Variants in ADPRHL1 observed in about 807,000 individuals in gnomAD.
ADPRHL1 encodes the protein ADP-ribosylhydrolase like 1, also known as inactive ADP-ribosyltransferase ARH2.
A neutral mutation model predicts 44.1 loss-of-function variants in ADPRHL1; 43 were observed. The ratio of observed to expected loss-of-function variants is 0.98; its 90% CI spans 0.76 to 1.26. ADPRHL1 has a LOEUF of 1.26. ADPRHL1 is among the 50% of genes most tolerant of loss of function. The pLI, the probability that ADPRHL1 is intolerant of heterozygous loss-of-function variation, is 0.00. For synonymous variants in ADPRHL1, 878 were observed against 1,017.4 expected, an observed-to-expected ratio of 0.86 and a Z score of 2.61; for missense variants, 2,022 against 2,496.9, an observed-to-expected ratio of 0.81 and a Z score of 4.05.
Position 113,433,693 on chromosome 13 carries a change from C to T in ADPRHL1, c.505+49G>A, listed in dbSNP as rs2044023609. ...AACCTGTGAGGTGGTTGTGGGTCAT[C>T]CGGCCGCACTCCACGCTGACCTCCC... On this transcript the variant is annotated intron_variant, in intron 3 of 7. Coordinates refer to ENST00000612156, the MANE Select transcript of ADPRHL1 (RefSeq NM_001394807.1). 2.6e-6 allele frequency: 4 copies of T among 1,528,216 alleles called. No homozygotes were observed. In the South Asian group the frequency reaches 4.8e-5, roughly 18 times the overall value. The allele number at this position is 1,528,216 out of a possible 1,614,324, so 94.7% of individuals were successfully genotyped here. A position where few individuals can be genotyped will look rare whatever the true frequency, so the allele number is the denominator to read the frequency against.
chr13:113,426,840 C>T (rs975151094), intron 4 of ADPRHL1, among the ~76,000 whole-genome samples: 4 of 152,308 alleles, frequency 2.6e-5, no homozygotes, highest in African/African-American at 4.8e-5. Flanking sequence ...CGGAAACAGA[C>T]GTCTAAATAC....
rs923267929 is a variant in ADPRHL1 at position 113,403,639 on chromosome 13, C to T, written c.5643G>A (p.Leu1881=). 3.4e-5 allele frequency: 42 copies of T among 1,231,582 alleles called. No homozygotes were observed. The highest frequency in any genetic ancestry group is 2.1e-4 in the Admixed American group (5 of 23,700). The allele number at this position is 1,231,582 out of a possible 1,614,324, so 76.3% of individuals were successfully genotyped here. A position where few individuals can be genotyped will look rare whatever the true frequency, so the allele number is the denominator to read the frequency against. Residue 1881 remains leucine, a synonymous_variant, in exon 8 of 8, where the codon CTG becomes CTA. Transcript: ENST00000612156. ...GCTTGGGCTCAGTTGGGCTCTTTCC[C>T]AGCCCCAGGGGAGAGGTGGCAATGC... ...GKSIATSPLG[L]GKSPTEPKPE...
At chr13:113,429,208 T>C (rs1202282120) in intron 3 of ADPRHL1, 116 bp from the exon 4 acceptor site, 3 of 1,393,988 alleles carry the variant, frequency 2.2e-6, no homozygotes, top group Non-Finnish European at 2.9e-6. Context: ...TTTCCGTCTT[T>C]CCCATGTTCA....
chr13:113,404,472 C>T lies in ADPRHL1; in HGVS notation c.4810G>A (p.Val1604Ile). The T allele has an allele frequency of 7.7e-7, 1 of 1,305,076 alleles. No homozygotes were observed. Among genetic ancestry groups the T allele is most frequent in the Non-Finnish European group, 9.7e-7 (1 of 1,033,852 alleles). 80.8% of individuals were successfully genotyped at this position (1,305,076 alleles called of 1,614,324 possible). The change falls in exon 8 of 8, where the codon GTT becomes ATT. Residue 1604 changes from valine to isoleucine, a missense_variant. By Grantham distance (29) the Val-to-Ile change is conservative (BLOSUM62 3). This residue lies in a region of ADPRHL1 where 78 missense variants were observed against 76.5 expected (regional missense o/e 1.02). Coordinates refer to ENST00000612156, the MANE Select transcript of ADPRHL1 (RefSeq NM_001394807.1). ...GCCTCTTCCTGGGCCCATTTCTGAA[C>T]CTCTCCTTGAACCTGTTTCTGGGCC... ...GQAQKQVQGEVQKWAQEEAQG... is the reference protein window; with the variant it reads ...GQAQKQVQGEIQKWAQEEAQG...
At chr13:113,438,649 G>C (rs1595553123) in intron 2 of ADPRHL1, among the ~76,000 whole-genome samples, 1 of 152,082 alleles carries the variant, frequency 6.6e-6, no homozygotes, top group Non-Finnish European at 1.5e-5. Context: ...AGCCGAGATT[G>C]TGCCACTGGG....
chr13:113,441,858 G>A lies in ADPRHL1; in HGVS notation c.379+2567C>T, dbSNP rs141104948. Among the ~76,000 whole-genome samples, 261 of 151,822 alleles carry A rather than the reference G, an allele frequency of 1.7e-3. 3 individuals are homozygous for A. Among genetic ancestry groups the A allele is most frequent in the African/African-American group, 5.5e-3 (228 of 41,412 alleles). ...ACGTTGTGTCCCGCCGCGTGGGTCCGTGTCACTATCACACTCTGTCCCCAC... is the reference window on the plus strand; with the variant it reads ...ACGTTGTGTCCCGCCGCGTGGGTCCATGTCACTATCACACTCTGTCCCCAC... On this transcript the variant is annotated intron_variant, in intron 2 of 7. Coordinates refer to ENST00000612156, the MANE Select transcript of ADPRHL1 (RefSeq NM_001394807.1). The surrounding 1 kb of genome is among the most constrained non-coding windows in gnomAD (Gnocchi z 6.0).
rs146636394 is a variant in ADPRHL1, at chr13:113,428,116, C to T, written c.646+836G>A. On this transcript the variant is annotated intron_variant, in intron 4 of 7. Transcript: ENST00000612156. The stretch of plus-strand genomic sequence containing the variant: ...AAAACTAGCTAGGCGTGGTGACGGA[C>T]GCCTGTAATCCCAGCTGCTTCGGCG... Among the ~76,000 whole-genome samples the T allele has an allele frequency of 9.9e-4, 151 of 152,156 alleles. 1 individual carries two copies. The highest frequency in any genetic ancestry group is 3.3e-3 in the African/African-American group (135 of 41,520).
chr13:113,399,994 A>C lies in ADPRHL1; in HGVS notation c.*3384T>G, dbSNP rs1315655217. 1 of 151,772 alleles carries C rather than the reference A, an allele frequency of 6.6e-6. No homozygotes were observed. The highest frequency in any genetic ancestry group is 1.5e-5 in the Non-Finnish European group (1 of 67,906). The allele number at this position is 151,772 out of a possible 1,614,324, so 9.4% of individuals were successfully genotyped here. On this transcript the variant is annotated 3_prime_UTR_variant, in exon 8 of 8. Transcript: ENST00000612156. ...CCCGGCTGTTGTCACTTGCACCCAC[A>C]GACCTGCGGCTCACAGTGGGCCTGT... is the stretch of plus-strand genomic sequence containing the variant.
At chr13:113,431,456 C>T (rs2044006721) in intron 3 of ADPRHL1, among the ~76,000 whole-genome samples, 1 of 152,232 alleles carries the variant, frequency 6.6e-6, no homozygotes, top group Non-Finnish European at 1.5e-5. Context: ...ATGAATGGTT[C>T]TCAAGCCCAG....
rs1555324185 is a variant in ADPRHL1 at position 113,400,151 on chromosome 13, T to TTTTTCTA, written c.*3226_*3227insTAGAAAA. 2.8e-4 allele frequency: 41 copies of TTTTTCTA among 144,680 alleles called. No homozygotes were observed. The highest frequency in any genetic ancestry group is 9.4e-4 in the African/African-American group (36 of 38,150). The allele number at this position is 144,680 out of a possible 1,614,324, so 9.0% of individuals were successfully genotyped here. A position where few individuals can be genotyped will look rare whatever the true frequency, so the allele number is the denominator to read the frequency against. On this transcript the variant is annotated 3_prime_UTR_variant, in exon 8 of 8. Coordinates refer to ENST00000612156, the MANE Select transcript of ADPRHL1 (RefSeq NM_001394807.1). ...TTTTCTTTTCTTTTCTTTTCTTCTT[T>TTTTTCTA]TTTTTTTTTTTTTTGACGGAGTCTC...
Position 113,407,328 on chromosome 13 carries a change from C to A in ADPRHL1, c.1954G>T (p.Glu652Ter). The A allele has an allele frequency of 8.1e-7, 1 of 1,232,052 alleles. No individual in the cohort carries two copies. The highest frequency in any genetic ancestry group is 1.0e-6 in the Non-Finnish European group (1 of 988,066). 76.3% of individuals were successfully genotyped at this position (1,232,052 alleles called of 1,614,324 possible). A position where few individuals can be genotyped will look rare whatever the true frequency, so the allele number is the denominator to read the frequency against. Residue 652 changes from glutamate (E) to a stop codon, truncating the protein, a stop_gained, in exon 8 of 8, where the codon GAA (glutamate) becomes TAA (stop). Transcript: ENST00000612156. LOFTEE classifies it low-confidence loss of function (END_TRUNC). ...CTGGCACTAGGGGGCACGCTGGCTTCTCCTCTGGGTGGACGCCTTGCCTCC... is the reference window on the plus strand; with the variant it reads ...CTGGCACTAGGGGGCACGCTGGCTTATCCTCTGGGTGGACGCCTTGCCTCC... ...HSEARRPPRG[E>*]ASVPPSARET...
chr13:113,447,417 T>G (rs2044149537), intron 1 of ADPRHL1, among the ~76,000 whole-genome samples: 1 of 151,150 alleles, frequency 6.6e-6, no homozygotes, highest in Non-Finnish European at 1.5e-5. Context: ...ATGCACGGTG[T>G]TGTGTGTGCA....
chr13:113,422,646 A>G, intron 7 of ADPRHL1, 180 bp downstream of exon 7: 1 of 764,366 alleles, frequency 1.3e-6, no homozygotes, highest in South Asian at 1.9e-5. Context: ...AGGACAAACA[A>G]TGTATTTTAT....
At chr13:113,433,566 C>T (rs1019622412) in intron 3 of ADPRHL1, among the ~76,000 whole-genome samples, 176 bp downstream of exon 3, 3 of 152,234 alleles carry the variant, frequency 2.0e-5, no homozygotes, top group African/African-American at 7.2e-5. Context: ...GGCAGGGCGC[C>T]CTCACAGCAG....
intron 3 of ADPRHL1, among the ~76,000 whole-genome samples, chr13:113,430,190 C>CA (rs2043996873): frequency 6.6e-6 from 1 of 152,196 alleles, no homozygotes. Flanking sequence ...CGCTAGTGTG[C>CA]AAGCCATCAG....
intron 2 of ADPRHL1, among the ~76,000 whole-genome samples, chr13:113,442,516 T>C (rs975456554): frequency 6.6e-6 from 1 of 152,184 alleles, no homozygotes; most frequent in Non-Finnish European, 1.5e-5. Context: ...AGCTTAATGA[T>C]GTGGCTCCAC....
At chr13:113,450,982 G>T (rs1434689506) in intron 1 of ADPRHL1, among the ~76,000 whole-genome samples, 2 of 150,524 alleles carry the variant, frequency 1.3e-5, no homozygotes, top group African/African-American at 5.0e-5. Flanking sequence ...CTGCTAAGTA[G>T]CAGGTGTTGT....
chr13:113,453,243 G>C lies in ADPRHL1; in HGVS notation c.195C>G (p.Thr65=), dbSNP rs369993693. 2 of 1,614,140 alleles carry C rather than the reference G, an allele frequency of 1.2e-6. No homozygotes were observed. Among genetic ancestry groups the C allele is most frequent in the Non-Finnish European group, 8.5e-7 (1 of 1,180,040 alleles). ...GCCTACCTGTGGTGAGGGCCTCGGC[G>C]GTTGCGATGTGCATGATGGTGTTGT... ...VSDNTIMHIA[T]AEALTTDYWC... Residue 65 remains threonine, a synonymous_variant, in exon 1 of 8, where the codon ACC becomes ACG. Coordinates refer to ENST00000612156, the MANE Select transcript of ADPRHL1 (RefSeq NM_001394807.1). This position sits in a 1 kb window ranked among gnomAD's most constrained non-coding sequence, Gnocchi z 5.4.
At chr13:113,408,426 G>A (rs2043825291) in intron 7 of ADPRHL1, among the ~76,000 whole-genome samples, 2 of 152,180 alleles carry the variant, frequency 1.3e-5, no homozygotes, top group Non-Finnish European at 2.9e-5. Flanking sequence ...AGCTTTTCTG[G>A]GTCACTGTTT....
Sources: gnomAD v4.1 joint callset for allele counts (sites outside exome capture counted in the v4.1 genomes callset) on GRCh38, gnomAD v4.1.1 for gene constraint, gnomAD v4.1.1 regional missense constraint, Gnocchi (gnomAD v3.1) non-coding constraint, MANE v1.5 for transcripts, NCBI Gene and HGNC (gene_info 2026-07-23, HGNC 2026-07-21) for gene names.